The following ASIC2 variants were observed in gnomAD, a reference collection of about 807,000 sequenced individuals.
ASIC2 encodes the protein acid-sensing ion channel 2.
A neutral mutation model predicts 57.3 loss-of-function variants in ASIC2; 25 were observed. That is an observed-to-expected ratio of 0.44 (90% CI 0.32 to 0.61). The LOEUF is 0.61. Among genes scored for constraint, ASIC2 ranks in the 20% least tolerant of loss-of-function variants. ASIC2 has a pLI of 0.06. For synonymous variants in ASIC2, 319 were observed against 307.5 expected (o/e 1.04, Z -0.39); for missense variants, 641 against 738.1 (o/e 0.87, Z 1.52).
chr17:33,941,838 A>T (rs1183070852), intron 1 of ASIC2, among the ~76,000 whole-genome samples: 2 of 152,178 alleles, frequency 1.3e-5, no homozygotes, highest in Non-Finnish European at 2.9e-5. Flanking sequence ...TTGCACCAGG[A>T]CAGGGCAGGA....
At chr17:34,138,965 T>C (rs1175088228) in intron 1 of ASIC2, among the ~76,000 whole-genome samples, 4 of 152,230 alleles carry the variant, frequency 2.6e-5, no homozygotes, top group Admixed American at 6.5e-5. Flanking sequence ...TTTTCCCCAG[T>C]TGATGAGTGA....
At chr17:33,409,575 C>T (rs1029742650) in intron 1 of ASIC2, among the ~76,000 whole-genome samples, 2 of 152,222 alleles carry the variant, frequency 1.3e-5, no homozygotes, top group African/African-American at 4.8e-5. Flanking sequence ...TTCTCTTATT[C>T]CCTCACCCCT....
In ASIC2 at chr17:33,539,933, G is replaced by A. The variant is rs758559323; in HGVS notation, c.556-427866C>T. Among the ~76,000 whole-genome samples the A allele has an allele frequency of 1.5e-4, 23 of 152,290 alleles. No individual in the cohort carries two copies. The Middle Eastern group carries it at 0.014, about 90-fold the overall frequency. On this transcript the variant is annotated intron_variant, in intron 1 of 9. Transcript: ENST00000359872. ...AGCCAGGTGAAGGGGCAGGGACAGC[G>A]GAGTGTTCCGGGCCAAGAAACAGCA...
intron 1 of ASIC2, among the ~76,000 whole-genome samples, chr17:33,775,541 A>G (rs1482078405): frequency 6.6e-6 from 1 of 152,184 alleles, no homozygotes; most frequent in East Asian, 1.9e-4. Flanking sequence ...GAGATCTAAA[A>G]TCTGTGTGGG....
intron 1 of ASIC2, among the ~76,000 whole-genome samples, chr17:33,616,561 C>T (rs1214264825): frequency 1.3e-5 from 2 of 152,204 alleles, no homozygotes; most frequent in African/African-American, 2.4e-5. Context: ...ACTTGAATAA[C>T]CTAGTTGACT....
At chr17:33,786,883 A>AAT in intron 1 of ASIC2, among the ~76,000 whole-genome samples, 1 of 152,358 alleles carries the variant, frequency 6.6e-6, no homozygotes, top group South Asian at 2.1e-4. Flanking sequence ...GAGAAGGGTG[A>AAT]GCTGCAGTAC....
At chr17:33,027,521 A>G (rs1182946702) in intron 4 of ASIC2, among the ~76,000 whole-genome samples, 1 of 152,232 alleles carries the variant, frequency 6.6e-6, no homozygotes, top group African/African-American at 2.4e-5. Context: ...AGTTTACAAA[A>G]TATTTTTATA....
chr17:33,930,466 G>GT (rs1370168741), intron 1 of ASIC2, among the ~76,000 whole-genome samples: 2 of 152,310 alleles, frequency 1.3e-5, no homozygotes, highest in African/African-American at 4.8e-5. Flanking sequence ...TGGCTGAGAT[G>GT]TTAGTCCCCA....
At chr17:33,194,196 T>C (rs1424697246) in intron 1 of ASIC2, among the ~76,000 whole-genome samples, 4 of 152,236 alleles carry the variant, frequency 2.6e-5, no homozygotes, top group African/African-American at 7.2e-5. Flanking sequence ...TCCACGAATC[T>C]GAAATTATTG....
intron 1 of ASIC2, chr17:33,533,360 T>A (rs191044157): frequency 2.0e-5 from 3 of 152,160 alleles, no homozygotes; most frequent in Non-Finnish European, 2.9e-5. Context: ...AAAATAAGCT[T>A]TGTTTCAGTA....
chr17:33,313,180 G>A (rs1226351032), intron 1 of ASIC2, among the ~76,000 whole-genome samples: 3 of 151,978 alleles, frequency 2.0e-5, no homozygotes, highest in Non-Finnish European at 2.9e-5. Context: ...TAAAAAATTA[G>A]CCAGGCATAG....
intron 1 of ASIC2, among the ~76,000 whole-genome samples, chr17:33,690,078 G>A (rs2040256639): frequency 6.6e-6 from 1 of 152,182 alleles, no homozygotes; most frequent in Admixed American, 6.5e-5. Context: ...TCTGCAAATA[G>A]AGGTATATAT....
chr17:33,678,713 C>T (rs116154542), intron 1 of ASIC2, among the ~76,000 whole-genome samples: 13 of 152,276 alleles, frequency 8.5e-5, no homozygotes, highest in African/African-American at 3.1e-4. Flanking sequence ...TGGCCCTGTC[C>T]AGAAGGCTCT....
chr17:33,330,910 A>T (rs145683510), intron 1 of ASIC2, among the ~76,000 whole-genome samples: 35 of 152,180 alleles, frequency 2.3e-4, no homozygotes, highest in African/African-American at 7.5e-4. Context: ...AAACATTAAG[A>T]TCCAGGTATT....
chr17:33,662,668 T>TAAATAAATACATAAAA (rs530248877), intron 1 of ASIC2, among the ~76,000 whole-genome samples: 49 of 128,102 alleles, frequency 3.8e-4, no homozygotes, highest in East Asian at 2.9e-3. Flanking sequence ...AATAAATAAA[T>TAAATAAATACATAAAA]AAGTAAAATA....
intron 1 of ASIC2, among the ~76,000 whole-genome samples, chr17:33,317,762 C>A (rs1167758990): frequency 6.6e-6 from 1 of 152,004 alleles, no homozygotes; most frequent in Non-Finnish European, 1.5e-5. Context: ...AGAGAAGATA[C>A]CACAGGCTCT....
rs562919381 is a variant in ASIC2 at position 33,232,348 on chromosome 17, A to G, written c.708+59060T>C. 2.0e-5 allele frequency among the ~76,000 whole-genome samples: 3 copies of G among 152,240 alleles called. 1 individual carries two copies. In the South Asian group the frequency reaches 6.2e-4, roughly 32 times the overall value. ...TCCCAGTCTCCAAATCTGTGAGAAA[A>G]TAAATTTCTGTAGGTAAGACATCCA... is the stretch of plus-strand genomic sequence containing the variant. On this transcript the variant is annotated intron_variant, in intron 1 of 9. Coordinates refer to ENST00000225823, the MANE Select transcript of ASIC2 (RefSeq NM_183377.2).
intron 2 of ASIC2, among the ~76,000 whole-genome samples, chr17:33,100,774 T>C (rs926441507): frequency 4.6e-5 from 7 of 152,196 alleles, no homozygotes; most frequent in African/African-American, 1.7e-4. Context: ...TGAGATTCAC[T>C]AAATTGGGGA....
intron 1 of ASIC2, chr17:33,833,937 C>CCAAGCTACTCAGGAG: frequency 6.6e-6 from 1 of 152,288 alleles, no homozygotes; most frequent in African/African-American, 2.4e-5. Context: ...GTGGCACACA[C>CCAAGCTACTCAGGAG]CTGTAATTCC....
Sources: allele counts gnomAD v4.1 joint callset (sites outside exome capture counted in the v4.1 genomes callset), GRCh38; gene constraint gnomAD v4.1.1; transcripts MANE v1.5; gene names NCBI Gene and HGNC (gene_info 2026-07-23, HGNC 2026-07-21).